PLD5: variants seen among roughly 807,000 people sequenced by gnomAD.
PLD5 encodes inactive phospholipase D5.
In PLD5, 36 loss-of-function variants were observed where a neutral mutation model predicts 61.1. The observed-to-expected ratio is 0.59, with a 90% confidence interval of 0.45 to 0.78. The LOEUF is 0.78. PLD5 is among the 30% of genes least tolerant of loss of function. PLD5 has a pLI of 0.00. For synonymous variants in PLD5, 243 were observed against 242.8 expected (o/e 1.00, Z -0.01); for missense variants, 515 against 644.4 (o/e 0.80, Z 2.17).
intron 4 of PLD5, among the ~76,000 whole-genome samples, chr1:242,242,012 G>C (rs61845475): frequency 0.25 from 26,960 of 105,820 alleles, 3,570 homozygotes; most frequent in Middle Eastern, 0.4. Context: ...TATATATATA[G>C]ACACACACAC....
intron 1 of PLD5, among the ~76,000 whole-genome samples, chr1:242,367,388 A>C (rs747559090): frequency 6.6e-6 from 1 of 152,208 alleles, no homozygotes; most frequent in Non-Finnish European, 1.5e-5. Context: ...ATGAGCTGGG[A>C]AACTGTATAT....
intron 8 of PLD5, among the ~76,000 whole-genome samples, chr1:242,106,115 A>G (rs775438140): frequency 3.9e-5 from 6 of 152,210 alleles, no homozygotes; most frequent in Non-Finnish European, 8.8e-5. Context: ...GCTGTGGACC[A>G]GGAACTGCCA....
At chr1:242,116,355 A>C (rs1262276839) in intron 6 of PLD5, among the ~76,000 whole-genome samples, 3 of 152,220 alleles carry the variant, frequency 2.0e-5, no homozygotes, top group Non-Finnish European at 4.4e-5. Context: ...AGGTTTCCTC[A>C]CACAGAAAGT....
chr1:242,461,732 C>T (rs1667124248), intron 1 of PLD5, among the ~76,000 whole-genome samples: 6 of 152,168 alleles, frequency 3.9e-5, no homozygotes, highest in Admixed American at 3.3e-4. Context: ...TTCCCTTTCT[C>T]CCCAGCCTTG....
At chr1:242,400,377 C>T (rs1185239727) in intron 1 of PLD5, among the ~76,000 whole-genome samples, 4 of 151,458 alleles carry the variant, frequency 2.6e-5, no homozygotes, top group African/African-American at 9.7e-5. Flanking sequence ...TCCCACTATT[C>T]AGGCTTAAGG....
chr1:242,324,132 C>T (rs1450187100), intron 2 of PLD5, among the ~76,000 whole-genome samples: 1 of 151,734 alleles, frequency 6.6e-6, no homozygotes, highest in Non-Finnish European at 1.5e-5. Flanking sequence ...CACAACAAAG[C>T]AATTTGTTGT....
chr1:242,426,406 T>C (rs1297487849), intron 1 of PLD5, among the ~76,000 whole-genome samples: 1 of 152,078 alleles, frequency 6.6e-6, no homozygotes, highest in Non-Finnish European at 1.5e-5. Context: ...AACATCACCA[T>C]TTCCTGTCAT....
intron 1 of PLD5, among the ~76,000 whole-genome samples, chr1:242,424,436 C>T (rs74154116): frequency 0.16 from 24,836 of 151,866 alleles, 2,331 homozygotes; most frequent in African/African-American, 0.25. Flanking sequence ...TTTCAAAATA[C>T]GCCCAGATTT....
In PLD5 at chr1:242,275,483, C is replaced by A. The variant is rs554544337; in HGVS notation, c.496-10035G>T. On this transcript the variant is annotated intron_variant, in intron 3 of 9. Coordinates refer to ENST00000536534, the MANE Select transcript of PLD5 (RefSeq NM_001372062.1). ...TTCCTTGTATATTTGTCAGTGTTAG[C>A]CTTTATTCTCAAATGACCTTGGATA... Among the ~76,000 whole-genome samples, 3 of 152,206 alleles carry A rather than the reference C, an allele frequency of 2.0e-5. No homozygotes were observed. In the South Asian group the frequency reaches 6.2e-4, roughly 32 times the overall value.
intron 1 of PLD5, among the ~76,000 whole-genome samples, chr1:242,493,769 G>C (rs910060957): frequency 6.6e-6 from 1 of 152,102 alleles, no homozygotes; most frequent in African/African-American, 2.4e-5. Context: ...GCATCCCCTG[G>C]TGCCGGGAAG....
chr1:242,289,104 G>T (rs1367707936), intron 2 of PLD5, among the ~76,000 whole-genome samples: 1 of 152,162 alleles, frequency 6.6e-6, no homozygotes, highest in African/African-American at 2.4e-5. Flanking sequence ...ACTAATATTA[G>T]AGCTAAGAAA....
intron 5 of PLD5, among the ~76,000 whole-genome samples, chr1:242,130,546 A>G (rs551349304): frequency 2.0e-5 from 3 of 152,224 alleles, no homozygotes; most frequent in Admixed American, 2.0e-4. Context: ...TAGAGGTTGT[A>G]TTAACTTACA....
At chr1:242,138,188 T>G (rs1370720586) in intron 5 of PLD5, among the ~76,000 whole-genome samples, 1 of 152,216 alleles carries the variant, frequency 6.6e-6, no homozygotes, top group Non-Finnish European at 1.5e-5. Context: ...AATTAAATAC[T>G]GAGCATCTCT....
At chr1:242,168,866 T>TTA (rs869214408) in intron 5 of PLD5, among the ~76,000 whole-genome samples, 1 of 135,260 alleles carries the variant, frequency 7.4e-6, no homozygotes, top group Non-Finnish European at 1.6e-5. Flanking sequence ...TTTTTTTTTT[T>TTA]ACCACCCCCC....
At chr1:242,514,577 C>G (rs1447922767) in intron 1 of PLD5, among the ~76,000 whole-genome samples, 1 of 151,734 alleles carries the variant, frequency 6.6e-6, no homozygotes. Flanking sequence ...ATGTACCCGC[C>G]CAAGACCTAA....
At chr1:242,529,916 T>G in the PLD5 span, among the ~76,000 whole-genome samples, 13 of 152,068 alleles carry the variant, frequency 8.5e-5, no homozygotes, top group Admixed American at 2.0e-4. Flanking sequence ...TTACCCAGGT[T>G]GGAGTGCAAT....
In PLD5 at chr1:242,087,563, A is replaced by G. The variant is rs546461536; in HGVS notation, c.*2291T>C. 13 of 152,076 alleles carry G rather than the reference A, an allele frequency of 8.5e-5. No homozygotes were observed. The highest frequency in any genetic ancestry group is 2.9e-4 in the African/African-American group (12 of 41,474). 9.4% of individuals were successfully genotyped at this position (152,076 alleles called of 1,614,324 possible). On this transcript the variant is annotated 3_prime_UTR_variant, in exon 10 of 10. Transcript: ENST00000536534. ...GTCGCTTTTGTTTGTCTGAGTGTGA[A>G]CTTGGTAGGTTTGTCTCCACTCCTA...
chr1:242,210,185 G>C (rs568804836), intron 5 of PLD5, among the ~76,000 whole-genome samples: 7 of 152,338 alleles, frequency 4.6e-5, no homozygotes, highest in African/African-American at 1.7e-4. Flanking sequence ...AGTTTGCCAA[G>C]TTGTGAATAC....
intron 2 of PLD5, among the ~76,000 whole-genome samples, chr1:242,341,431 GTAGA>G (rs1659826892): frequency 6.6e-6 from 1 of 152,110 alleles, no homozygotes; most frequent in South Asian, 2.1e-4. Flanking sequence ...CTAGATGTCT[GTAGA>G]TATTTTTTAA....
Sources: allele counts gnomAD v4.1 joint callset (sites outside exome capture counted in the v4.1 genomes callset), GRCh38; gene constraint gnomAD v4.1.1; transcripts MANE v1.5; gene names NCBI Gene and HGNC (gene_info 2026-07-23, HGNC 2026-07-21).